Variants in DLEC1 observed in about 807,000 individuals in gnomAD.
DLEC1 encodes the protein DLEC1 cilia and flagella associated protein.
A neutral mutation model predicts 198.1 loss-of-function variants in DLEC1; 146 were observed. The observed-to-expected ratio is 0.74, with a 90% CI of 0.64 to 0.85. The LOEUF (loss-of-function observed/expected upper bound fraction) is 0.85. Ranked by LOEUF, DLEC1 falls within the 40% of genes least tolerant of loss-of-function variation. The pLI, the probability that DLEC1 is intolerant of heterozygous loss-of-function variation, is 0.00. For synonymous variants in DLEC1, 897 were observed against 866.8 expected (o/e 1.03, Z -0.61); for missense variants, 2,233 against 2,220.0 (o/e 1.01, Z -0.12).
intron 19 of DLEC1, among the ~76,000 whole-genome samples, chr3:38,102,948 T>C (rs1699379708): frequency 6.6e-6 from 1 of 152,210 alleles, no homozygotes; most frequent in East Asian, 1.9e-4. Context: ...TGGGGGCAAA[T>C]ACTGTGGCAG....
At chr3:38,064,892 C>T (rs958200163) in intron 6 of DLEC1, among the ~76,000 whole-genome samples, 8 of 150,398 alleles carry the variant, frequency 5.3e-5, no homozygotes, top group East Asian at 4.0e-4. Context: ...ACATCCCAGA[C>T]GATGGGCGGC....
chr3:38,094,737 G>A (rs938387303), intron 12 of DLEC1, 142 bp from the exon 13 acceptor site: 9 of 909,766 alleles, frequency 9.9e-6, no homozygotes, highest in Non-Finnish European at 1.5e-5. Flanking sequence ...TCCTCCATTG[G>A]AAGGGTGTGA....
At chr3:38,103,288 T>C (rs1699399593) in intron 19 of DLEC1, 1 of 152,284 alleles carries the variant, frequency 6.6e-6, no homozygotes, top group Non-Finnish European at 1.5e-5. Context: ...TGCTCTGAGC[T>C]CTGGGGCTGG....
chr3:38,121,165 C>A (rs1386118265), intron 34 of DLEC1, among the ~76,000 whole-genome samples: 2 of 152,160 alleles, frequency 1.3e-5, no homozygotes, highest in African/African-American at 4.8e-5. Context: ...GGCACCTGGG[C>A]AGCTGCTGGG....
At chr3:38,079,543 GC>G (rs1697843072) in intron 6 of DLEC1, among the ~76,000 whole-genome samples, 1 of 152,204 alleles carries the variant, frequency 6.6e-6, no homozygotes, top group African/African-American at 2.4e-5. Flanking sequence ...CAGTCTTCAG[GC>G]ACTAAGCCAA....
At chr3:38,091,326 G>A (rs949228359) in intron 10 of DLEC1, among the ~76,000 whole-genome samples, 1 of 152,122 alleles carries the variant, frequency 6.6e-6, no homozygotes, top group African/African-American at 2.4e-5. Flanking sequence ...CTAGCCGGGT[G>A]TGGTGGCATG....
At position 38,123,691 on chromosome 3, in the gene DLEC1, AGATT is replaced by A. The variant is rs1700597055; in HGVS notation, c.*1284_*1287del. Reference sequence around the variant, plus strand: ...CATCTTAGAAAAAAACTTTTTTAAAAGATTGATTTAAAAGATATTTACATTTTTA... The same window carrying A: ...CATCTTAGAAAAAAACTTTTTTAAAAGATTTAAAAGATATTTACATTTTTA... On this transcript the variant is annotated 3_prime_UTR_variant, in exon 37 of 37. Transcript: ENST00000308059. 6.6e-6 allele frequency: 1 copy of A among 152,456 alleles called. No individual in the cohort carries two copies. Among genetic ancestry groups the A allele is most frequent in the Admixed American group, 6.5e-5 (1 of 15,296 alleles). 9.4% of individuals were successfully genotyped at this position (152,456 alleles called of 1,614,324 possible). A position where few individuals can be genotyped will look rare whatever the true frequency, so the allele number is the denominator to read the frequency against.
intron 6 of DLEC1, among the ~76,000 whole-genome samples, chr3:38,067,685 C>T (rs1408482892): frequency 6.6e-6 from 1 of 151,416 alleles, no homozygotes; most frequent in Non-Finnish European, 1.5e-5. Context: ...GTGGGCTGTG[C>T]TTCCTTACAG....
In DLEC1 at chr3:38,092,892, T is replaced by C; in HGVS notation, c.1756+12T>C. 6.2e-7 allele frequency: 1 copy of C among 1,613,880 alleles called. No homozygotes were observed. The highest frequency in any genetic ancestry group is 8.5e-7 in the Non-Finnish European group (1 of 1,179,888). On this transcript the variant is annotated intron_variant, in intron 11 of 36. Coordinates refer to ENST00000308059, the MANE Select transcript of DLEC1 (RefSeq NM_007335.4). ...GCTGGTGACCATAGGTGGGCTTGAG[T>C]GTACTCCCAGGGGCAAGGCTGGAGA...
intron 18 of DLEC1, 110 bp downstream of exon 18, chr3:38,098,012 G>C (rs1699123054): frequency 7.1e-7 from 1 of 1,402,952 alleles, no homozygotes; most frequent in African/African-American, 1.4e-5. Context: ...GGCTGGTGGA[G>C]GAAAAGCCTG....
chr3:38,084,075 T>A, intron 6 of DLEC1, 83 bp from the exon 7 acceptor site: 1 of 1,367,850 alleles, frequency 7.3e-7, no homozygotes, highest in Non-Finnish European at 1.0e-6. Context: ...TACCCCCTTC[T>A]CATATTAGAG....
intron 6 of DLEC1, among the ~76,000 whole-genome samples, chr3:38,076,474 G>T (rs1212177173): frequency 6.6e-6 from 1 of 152,038 alleles, no homozygotes; most frequent in Non-Finnish European, 1.5e-5. Context: ...TTGTTCTCTG[G>T]CAGGCAGGAG....
At chr3:38,077,760 G>A (rs1173640708) in intron 6 of DLEC1, among the ~76,000 whole-genome samples, 1 of 152,176 alleles carries the variant, frequency 6.6e-6, no homozygotes, top group African/African-American at 2.4e-5. Flanking sequence ...TTAGTTATCT[G>A]ACTCAGGGCA....
chr3:38,096,052 C>T, intron 14 of DLEC1, 106 bp downstream of exon 14: 2 of 1,377,526 alleles, frequency 1.5e-6, no homozygotes, highest in South Asian at 1.2e-5. Context: ...GCAGCCTGGT[C>T]CCCGCAGGCT....
intron 3 of DLEC1, among the ~76,000 whole-genome samples, chr3:38,061,755 C>G (rs1415603969): frequency 6.6e-6 from 1 of 152,148 alleles, no homozygotes; most frequent in Non-Finnish European, 1.5e-5. Context: ...ACAACCTTGA[C>G]CTCCTGTGCT....
intron 3 of DLEC1, 40 bp from the exon 4 acceptor site, chr3:38,062,128 AC>A: frequency 6.2e-7 from 1 of 1,609,422 alleles, no homozygotes; most frequent in South Asian, 1.1e-5. Context: ...CCACCTCCTC[AC>A]CTTGTTGCAG....
intron 2 of DLEC1, among the ~76,000 whole-genome samples, chr3:38,047,451 A>G (rs1326133402): frequency 6.6e-6 from 1 of 152,180 alleles, no homozygotes; most frequent in Non-Finnish European, 1.5e-5. Context: ...TATAGTATAG[A>G]TGCATGAAAA....
At chr3:38,071,811 A>G (rs1034740323) in intron 6 of DLEC1, among the ~76,000 whole-genome samples, 1 of 152,232 alleles carries the variant, frequency 6.6e-6, no homozygotes, top group African/African-American at 2.4e-5. Flanking sequence ...TTCAGCCTAT[A>G]TGACCACATG....
chr3:38,079,244 G>A lies in DLEC1; in HGVS notation c.1174-4914G>A, dbSNP rs373035955. Among the ~76,000 whole-genome samples, 680 of 151,680 alleles carry A rather than the reference G, an allele frequency of 4.5e-3. 7 individuals carry two copies. The highest frequency in any genetic ancestry group is 0.015 in the African/African-American group (603 of 41,086). Reference sequence around the variant, plus strand: ...GCAGATAATTTAGTTAAAGTGTCTCGGCCTAATAAGGGAACTGGGCAGGTG... The same window carrying A: ...GCAGATAATTTAGTTAAAGTGTCTCAGCCTAATAAGGGAACTGGGCAGGTG... On this transcript the variant is annotated intron_variant, in intron 6 of 36. Coordinates refer to ENST00000308059, the MANE Select transcript of DLEC1 (RefSeq NM_007335.4).
Sources: allele counts gnomAD v4.1 joint callset (sites outside exome capture counted in the v4.1 genomes callset), GRCh38; gene constraint gnomAD v4.1.1; transcripts MANE v1.5; gene names NCBI Gene and HGNC (gene_info 2026-07-23, HGNC 2026-07-21).